The following PBRM1 variants were observed in gnomAD, a reference collection of about 807,000 sequenced individuals.
PBRM1 encodes polybromo 1, also known as protein polybromo-1.
Under a neutral mutation model 194.5 loss-of-function variants are expected in PBRM1, and 27 were observed. The ratio of observed to expected loss-of-function variants is 0.14; its 90% CI spans 0.10 to 0.19. PBRM1 has a LOEUF of 0.19. Ranked by LOEUF, PBRM1 falls within the 10% of genes least tolerant of loss-of-function variation. PBRM1 has a pLI of 1.00. For synonymous variants in PBRM1, 655 were observed against 693.2 expected (o/e 0.94, Z 0.87); for missense variants, 1,466 against 2,077.2 (o/e 0.71, Z 5.72).
At chr3:52,640,608 A>G (rs935056334) in intron 10 of PBRM1, among the ~76,000 whole-genome samples, 1 of 149,728 alleles carries the variant, frequency 6.7e-6, no homozygotes, top group African/African-American at 2.5e-5. Flanking sequence ...TTATGTTTTT[A>G]TATTTGATGT....
chr3:52,614,211 T>C (rs1030740697), intron 15 of PBRM1, among the ~76,000 whole-genome samples: 1 of 151,564 alleles, frequency 6.6e-6, no homozygotes, highest in African/African-American at 2.4e-5. Context: ...CCATCTCTAC[T>C]AAAAATACAA....
chr3:52,549,280 A>G (rs1355963569), intron 29 of PBRM1, among the ~76,000 whole-genome samples: 1 of 152,144 alleles, frequency 6.6e-6, no homozygotes, highest in South Asian at 2.1e-4. Context: ...TCAGCCTCCC[A>G]AAGTGCTGGG....
intron 14 of PBRM1, among the ~76,000 whole-genome samples, chr3:52,616,713 T>C (rs1457310386): frequency 2.0e-5 from 3 of 152,236 alleles, no homozygotes; most frequent in African/African-American, 7.2e-5. Context: ...CAAGATGCTC[T>C]GTAGCAAAAT....
intron 11 of PBRM1, 145 bp downstream of exon 12, chr3:52,634,453 AAAAG>A: frequency 1.7e-6 from 1 of 581,652 alleles, no homozygotes; most frequent in Non-Finnish European, 3.0e-6. Flanking sequence ...AAAAAAAAAA[AAAAG>A]GTAATGAACA....
intron 17 of PBRM1, among the ~76,000 whole-genome samples, chr3:52,601,547 A>G (rs1353656724): frequency 6.8e-6 from 1 of 147,618 alleles, no homozygotes; most frequent in Non-Finnish European, 1.5e-5. Context: ...CTTGCCTGCC[A>G]CTCACCGGCT....
In PBRM1 at chr3:52,663,154, T is replaced by C. The variant is rs79659115; in HGVS notation, c.385-878A>G. Among the ~76,000 whole-genome samples, 735 of 152,268 alleles carry C rather than the reference T, an allele frequency of 4.8e-3. 54 individuals are homozygous for C. The East Asian group carries it at 0.13, about 27-fold the overall frequency. On this transcript the variant is annotated intron_variant, in intron 3 of 29. Transcript: ENST00000296302. ...GTTCACAAAATTAAAGGAATAAAAG[T>C]AGGAAACCAGATGAAAACCCACAAC...
At chr3:52,571,854 CCCAAAAAAAAAAAAAAAA>C (rs1375261292) in intron 22 of PBRM1, among the ~76,000 whole-genome samples, 3 of 36,682 alleles carry the variant, frequency 8.2e-5, no homozygotes, top group Non-Finnish European at 1.1e-4. Flanking sequence ...ACCTCATCTC[CCCAAAAAAAAAAAAAAAA>C]AAAAAAAAAA....
intron 1 of PBRM1, 122 bp from the exon 3 acceptor site, chr3:52,678,719 A>G (rs1234897046): frequency 1.6e-6 from 1 of 610,550 alleles, no homozygotes; most frequent in East Asian, 2.7e-5. Context: ...ATGACTCTCA[A>G]TATTACCAAA....
intron 13 of PBRM1, among the ~76,000 whole-genome samples, chr3:52,623,440 C>T (rs373033040): frequency 5.9e-5 from 9 of 152,210 alleles, no homozygotes; most frequent in African/African-American, 1.9e-4. Flanking sequence ...TAAACCCAAA[C>T]GTTCTTTCTT....
chr3:52,629,889 T>A (rs376575573), intron 11 of PBRM1, among the ~76,000 whole-genome samples: 4 of 152,354 alleles, frequency 2.6e-5, no homozygotes, highest in African/African-American at 9.6e-5. Context: ...TAGAATGGCA[T>A]CTGCATGTAA....
intron 22 of PBRM1, among the ~76,000 whole-genome samples, chr3:52,575,966 T>C (rs1194912178): frequency 1.3e-5 from 2 of 151,554 alleles, no homozygotes; most frequent in Non-Finnish European, 2.9e-5. Context: ...ATTAGAAGGG[T>C]TCAACAGAAG....
At chr3:52,597,743 G>A (rs953679866) in intron 17 of PBRM1, among the ~76,000 whole-genome samples, 6 of 151,954 alleles carry the variant, frequency 3.9e-5, no homozygotes, top group East Asian at 1.9e-4. Context: ...TCACTGTGTC[G>A]CCCAGGCTGG....
At chr3:52,591,011 T>C (rs1234792247) in intron 17 of PBRM1, among the ~76,000 whole-genome samples, 1 of 152,216 alleles carries the variant, frequency 6.6e-6, no homozygotes, top group Admixed American at 6.5e-5. Flanking sequence ...TATTTTATTC[T>C]TTTTGTGGCA....
intron 2 of PBRM1, among the ~76,000 whole-genome samples, chr3:52,675,926 T>C (rs2097090732): frequency 9.3e-6 from 1 of 107,038 alleles, no homozygotes; most frequent in Admixed American, 1.1e-4. Context: ...CCATCCCGGC[T>C]AAAATGGTGA....
rs1560006791 is a variant in PBRM1, at chr3:52,576,708, G to C, written c.3534-10C>G. The C allele has an allele frequency of 6.3e-7, 1 of 1,577,642 alleles. No individual in the cohort carries two copies. The highest frequency in any genetic ancestry group is 1.9e-5 in the Admixed American group (1 of 53,028). ...CCATACTTTTTCAATTCTTGGGGAGGAAAATATATAAATTACATTAAAATA... is the reference window on the plus strand; with the variant it reads ...CCATACTTTTTCAATTCTTGGGGAGCAAAATATATAAATTACATTAAAATA... On this transcript the variant is annotated splice_polypyrimidine_tract_variant and intron_variant, in intron 21 of 29. Transcript: ENST00000296302.
intron 20 of PBRM1, among the ~76,000 whole-genome samples, chr3:52,581,383 G>A (rs1275656322): frequency 2.0e-5 from 3 of 151,882 alleles, no homozygotes; most frequent in African/African-American, 2.4e-5. Context: ...GATGGTGCGC[G>A]CCTGTAGTCC....
chr3:52,563,476 T>A (rs1340217547), exon 24 of PBRM1: 11 of 1,613,856 alleles, frequency 6.8e-6, no homozygotes, highest in Non-Finnish European at 9.3e-6. Context: ...TGGCTCCTTC[T>A]GAGGAACAAT....
At chr3:52,557,969 A>G (rs2082569448) in intron 26 of PBRM1, among the ~76,000 whole-genome samples, 1 of 152,198 alleles carries the variant, frequency 6.6e-6, no homozygotes, top group Non-Finnish European at 1.5e-5. Context: ...ATAGTGCTCT[A>G]TCAAGAGCAG....
chr3:52,645,481 G>A (rs1023134062), intron 7 of PBRM1, among the ~76,000 whole-genome samples: 4 of 149,126 alleles, frequency 2.7e-5, no homozygotes, highest in South Asian at 2.1e-4. Context: ...TGTTCTTACT[G>A]TAGATCTTAG....
Sources: gnomAD v4.1 joint callset for allele counts (sites outside exome capture counted in the v4.1 genomes callset) on GRCh38, gnomAD v4.1.1 for gene constraint, MANE v1.5 for transcripts, NCBI Gene and HGNC (gene_info 2026-07-23, HGNC 2026-07-21) for gene names.